SCHIP1: variants seen among roughly 807,000 people sequenced by gnomAD.
SCHIP1 encodes schwannomin interacting protein 1, also known as schwannomin-interacting protein 1.
In SCHIP1, 8 loss-of-function variants were observed where a neutral mutation model predicts 29.7. The ratio of observed to expected loss-of-function variants is 0.27; its 90% CI spans 0.16 to 0.49. The LOEUF is 0.49. Ranked by LOEUF, SCHIP1 falls within the 20% of genes least tolerant of loss-of-function variation. The probability of loss-of-function intolerance (pLI) is 0.99; values close to 1 mark genes in which losing one functional copy is unlikely to be tolerated. For missense variants in SCHIP1, 193 were observed against 294.6 expected, an observed-to-expected ratio of 0.66 and a Z score of 2.52; for synonymous variants, 76 against 94.9, an observed-to-expected ratio of 0.80 and a Z score of 1.16.
chr3:159,565,753 T>G, the SCHIP1 span, among the ~76,000 whole-genome samples: 1 of 152,224 alleles, frequency 6.6e-6, no homozygotes, highest in African/African-American at 2.4e-5. Flanking sequence ...CTTTCCTTCA[T>G]TTTAGGCTTT....
chr3:159,629,218 G>T, the SCHIP1 span, among the ~76,000 whole-genome samples: 2 of 152,030 alleles, frequency 1.3e-5, no homozygotes, highest in Non-Finnish European at 2.9e-5. Flanking sequence ...GGTCCAGGCT[G>T]CAGTGACCTG....
chr3:159,544,875 C>T, the SCHIP1 span, among the ~76,000 whole-genome samples: 1 of 152,056 alleles, frequency 6.6e-6, no homozygotes, highest in Admixed American at 6.6e-5. Context: ...TCTATCTTTT[C>T]ATATATGGTA....
chr3:159,829,450 A>G, the SCHIP1 span, among the ~76,000 whole-genome samples: 4 of 151,972 alleles, frequency 2.6e-5, no homozygotes, highest in African/African-American at 9.7e-5. Context: ...TCAGAATACA[A>G]CTACAAATGA....
the SCHIP1 span, among the ~76,000 whole-genome samples, chr3:159,652,524 G>T: frequency 6.6e-6 from 1 of 152,188 alleles, no homozygotes; most frequent in Non-Finnish European, 1.5e-5. Flanking sequence ...CCCTGGCCCA[G>T]TGGAGCTCAT....
chr3:159,614,916 A>G, the SCHIP1 span, among the ~76,000 whole-genome samples: 1 of 152,218 alleles, frequency 6.6e-6, no homozygotes, highest in African/African-American at 2.4e-5. Flanking sequence ...ACTGTCCTCA[A>G]GGAGGTCACA....
intron 2 of SCHIP1, among the ~76,000 whole-genome samples, chr3:159,879,171 A>G (rs942460624): frequency 2.0e-5 from 3 of 152,064 alleles, no homozygotes; most frequent in African/African-American, 7.2e-5. Flanking sequence ...ATAGCCCATC[A>G]TATATTTCAC....
chr3:159,274,211 A>C, the SCHIP1 span: 2 of 985,126 alleles, frequency 2.0e-6, no homozygotes, highest in African/African-American at 3.5e-5. Context: ...AATAGTTCCA[A>C]ATGTACAATC....
the SCHIP1 span, among the ~76,000 whole-genome samples, chr3:159,684,677 A>C: frequency 6.6e-6 from 1 of 151,704 alleles, no homozygotes; most frequent in African/African-American, 2.4e-5. Context: ...GGTGGCATGC[A>C]ACTGTAATCC....
At chr3:159,357,675 C>T in the SCHIP1 span, among the ~76,000 whole-genome samples, 1 of 152,136 alleles carries the variant, frequency 6.6e-6, no homozygotes, top group African/African-American at 2.4e-5. Flanking sequence ...GAGCTTTTTT[C>T]TTCATCATAT....
At chr3:159,429,485 C>G in the SCHIP1 span, among the ~76,000 whole-genome samples, 91 of 152,214 alleles carry the variant, frequency 6.0e-4, no homozygotes, top group Admixed American at 2.1e-3. Flanking sequence ...AATAAATTAT[C>G]CTATTTGTAT....
At chr3:159,655,369 CAGT>C in the SCHIP1 span, among the ~76,000 whole-genome samples, 30 of 152,004 alleles carry the variant, frequency 2.0e-4, no homozygotes, top group Non-Finnish European at 3.8e-4. Flanking sequence ...ACAATGGTAG[CAGT>C]AGTAGTAGTG....
At chr3:159,553,036 T>G in the SCHIP1 span, among the ~76,000 whole-genome samples, 1 of 152,116 alleles carries the variant, frequency 6.6e-6, no homozygotes, top group African/African-American at 2.4e-5. Flanking sequence ...ATATTACGAA[T>G]TAGAAAACTG....
the SCHIP1 span, among the ~76,000 whole-genome samples, chr3:159,742,936 C>G: frequency 0.017 from 2,573 of 151,428 alleles, 68 homozygotes; most frequent in African/African-American, 0.059. Flanking sequence ...ATCCACACAC[C>G]TCGGCCTCCC....
the SCHIP1 span, among the ~76,000 whole-genome samples, chr3:159,782,820 A>G: frequency 1.3e-5 from 2 of 152,196 alleles, no homozygotes; most frequent in African/African-American, 4.8e-5. Context: ...GAATATGACT[A>G]TAGATCCCTA....
the SCHIP1 span, among the ~76,000 whole-genome samples, chr3:159,728,015 T>A: frequency 9.5e-4 from 140 of 147,778 alleles, 3 homozygotes; most frequent in South Asian, 0.01. Flanking sequence ...TTTTTTTTTT[T>A]TAAAAAGGCA....
At chr3:159,875,873 C>T (rs550283403) in intron 2 of SCHIP1, among the ~76,000 whole-genome samples, 1 of 152,168 alleles carries the variant, frequency 6.6e-6, no homozygotes, top group South Asian at 2.1e-4. Flanking sequence ...TGGGAGGATC[C>T]CTTGAGCCCA....
At chr3:159,399,584 A>G in the SCHIP1 span, among the ~76,000 whole-genome samples, 2 of 152,150 alleles carry the variant, frequency 1.3e-5, no homozygotes, top group African/African-American at 4.8e-5. Context: ...CCCTATTTCT[A>G]TCAATCACTC....
the SCHIP1 span, among the ~76,000 whole-genome samples, chr3:159,806,401 AAG>A: frequency 1.3e-5 from 2 of 152,150 alleles, no homozygotes; most frequent in Non-Finnish European, 2.9e-5. Context: ...TTGGGTTAGG[AAG>A]AGAGAGGAAA....
At chr3:159,490,059 T>C in the SCHIP1 span, among the ~76,000 whole-genome samples, 4 of 152,168 alleles carry the variant, frequency 2.6e-5, no homozygotes, top group African/African-American at 9.6e-5. Context: ...TGAGAATGTA[T>C]TCATGTAACT....
Sources: gnomAD v4.1 joint callset for allele counts (sites outside exome capture counted in the v4.1 genomes callset) on GRCh38, gnomAD v4.1.1 for gene constraint, MANE v1.5 for transcripts, NCBI Gene and HGNC (gene_info 2026-07-23, HGNC 2026-07-21) for gene names.